TSPAN2: variants seen among roughly 807,000 people sequenced by gnomAD.
The protein encoded by TSPAN2 is tetraspanin-2.
A neutral mutation model predicts 33.3 loss-of-function variants in TSPAN2; 24 were observed. The ratio of observed to expected loss-of-function variants is 0.72; its 90% CI spans 0.52 to 1.01. The LOEUF is 1.01. Among genes scored for constraint, TSPAN2 ranks in the 50% least tolerant of loss-of-function variants. The pLI, the probability that TSPAN2 is intolerant of heterozygous loss-of-function variation, is 0.00. For synonymous variants in TSPAN2, 114 were observed against 104.5 expected (o/e 1.09, Z -0.56); for missense variants, 278 against 281.3 (o/e 0.99, Z 0.08).
intron 7 of TSPAN2, 22 bp from the exon 8 acceptor site, chr1:115,050,577 T>A (rs1329195646): frequency 6.2e-7 from 1 of 1,612,332 alleles, no homozygotes; most frequent in East Asian, 2.2e-5. Flanking sequence ...GAAACACTCA[T>A]CAGTGACTTT....
At chr1:115,073,514 A>G (rs867759396) in intron 1 of TSPAN2, among the ~76,000 whole-genome samples, 1 of 133,694 alleles carries the variant, frequency 7.5e-6, no homozygotes, top group Middle Eastern at 3.6e-3. Context: ...CCTCAACCTC[A>G]GAACCCACCC....
intron 1 of TSPAN2, among the ~76,000 whole-genome samples, chr1:115,079,596 T>C (rs1648547300): frequency 6.6e-6 from 1 of 152,206 alleles, no homozygotes; most frequent in African/African-American, 2.4e-5. Context: ...TCAAGGGTTT[T>C]ATCAGAAAAA....
At position 115,048,052 on chromosome 1, in the gene TSPAN2, T is replaced by C. The variant is rs1255754155; in HGVS notation, c.*2438A>G. ...ATTTAATATGAAATCACTTAAAATA[T>C]TTCAACATTAAGAAGTCTTAATTCA... On this transcript the variant is annotated 3_prime_UTR_variant, in exon 8 of 8. Coordinates refer to ENST00000369516, the MANE Select transcript of TSPAN2 (RefSeq NM_005725.6). The C allele has an allele frequency of 6.6e-6, 1 of 151,914 alleles. No individual in the cohort carries two copies. The highest frequency in any genetic ancestry group is 1.9e-4 in the East Asian group (1 of 5,188). The allele number at this position is 151,914 out of a possible 1,614,324, so 9.4% of individuals were successfully genotyped here. A position where few individuals can be genotyped will look rare whatever the true frequency, so the allele number is the denominator to read the frequency against.
intron 4 of TSPAN2, among the ~76,000 whole-genome samples, chr1:115,059,521 CT>C (rs1335002764): frequency 2.6e-5 from 4 of 152,218 alleles, no homozygotes. Flanking sequence ...AGGATCCGGA[CT>C]TATACATTCC....
chr1:115,068,303 C>T lies in TSPAN2; in HGVS notation c.172+4602G>A, dbSNP rs564829746. ...CACAGGAAGGGAAACTCGCTCCATC[C>T]CCAAGGAAAGAGAACCAAGGATGCC... On this transcript the variant is annotated intron_variant, in intron 2 of 7. Transcript: ENST00000369516. Among the ~76,000 whole-genome samples, 12 of 152,282 alleles carry T rather than the reference C, an allele frequency of 7.9e-5. No individual in the cohort carries two copies. In the East Asian group the frequency reaches 1.5e-3, roughly 20 times the overall value.
rs1410086417 is a variant in TSPAN2, at chr1:115,048,264, T to C, written c.*2226A>G. On this transcript the variant is annotated 3_prime_UTR_variant, in exon 8 of 8. Coordinates refer to ENST00000369516, the MANE Select transcript of TSPAN2 (RefSeq NM_005725.6). ...AAGATATTTGTAGATTCAAGATATA[T>C]AGGGATTATATATCTATATATATTA... 6.8e-6 allele frequency: 1 copy of C among 147,532 alleles called. No homozygotes were observed. The highest frequency in any genetic ancestry group is 2.5e-5 in the African/African-American group (1 of 40,382). The allele number at this position is 147,532 out of a possible 1,614,324, so 9.1% of individuals were successfully genotyped here. A position where few individuals can be genotyped will look rare whatever the true frequency, so the allele number is the denominator to read the frequency against.
intron 1 of TSPAN2, among the ~76,000 whole-genome samples, chr1:115,078,069 C>T (rs1648488070): frequency 6.6e-6 from 1 of 152,230 alleles, no homozygotes; most frequent in Non-Finnish European, 1.5e-5. Context: ...TCCTGGCCCT[C>T]AGATGCTCCA....
At position 115,056,546 on chromosome 1, in the gene TSPAN2, C is replaced by T. The variant is rs74593034; in HGVS notation, c.516+991G>A. ...TCTCGGCACGCAGGCCTCCCCCTCC[C>T]GCTTTCTGCCCAATGCTTGCATAAT... On this transcript the variant is annotated intron_variant, in intron 6 of 7. Transcript: ENST00000369516. Among the ~76,000 whole-genome samples, 1,440 of 152,306 alleles carry T rather than the reference C, an allele frequency of 9.5e-3. 35 individuals carry two copies. Among genetic ancestry groups the T allele is most frequent in the African/African-American group, 0.033 (1,375 of 41,546 alleles).
At chr1:115,071,899 C>T (rs959420645) in intron 2 of TSPAN2, among the ~76,000 whole-genome samples, 2 of 152,154 alleles carry the variant, frequency 1.3e-5, no homozygotes, top group East Asian at 1.9e-4. Flanking sequence ...CCTGCGCTCT[C>T]TCTCTCATGG....
intron 1 of TSPAN2, 80 bp downstream of exon 1, chr1:115,089,284 G>A: frequency 7.6e-7 from 1 of 1,322,110 alleles, no homozygotes; most frequent in East Asian, 2.8e-5. Flanking sequence ...GGACGCCGCA[G>A]TCAGCAGCTC....
At chr1:115,057,761 A>G (rs768104543) in intron 5 of TSPAN2, among the ~76,000 whole-genome samples, 153 bp from the exon 6 acceptor site, 1 of 152,272 alleles carries the variant, frequency 6.6e-6, no homozygotes. Flanking sequence ...AGGAGAGTGA[A>G]GAATCACATA....
chr1:115,086,874 G>T (rs1287389101), intron 1 of TSPAN2, among the ~76,000 whole-genome samples: 1 of 152,196 alleles, frequency 6.6e-6, no homozygotes, highest in African/African-American at 2.4e-5. Context: ...TACCCCCAGA[G>T]TTTCTGATTC....
At chr1:115,073,633 T>C (rs1308851524) in intron 1 of TSPAN2, among the ~76,000 whole-genome samples, 2 of 151,758 alleles carry the variant, frequency 1.3e-5, no homozygotes, top group African/African-American at 4.8e-5. Flanking sequence ...GTTTTGCTGG[T>C]AGGGAGATAG....
chr1:115,057,398 C>T, intron 6 of TSPAN2, 139 bp downstream of exon 6: 1 of 811,740 alleles, frequency 1.2e-6, no homozygotes, highest in South Asian at 1.5e-5. Context: ...CAACGCTATT[C>T]ATTTTCCATC....
intron 3 of TSPAN2, among the ~76,000 whole-genome samples, chr1:115,061,614 A>T (rs1647723205): frequency 6.6e-6 from 1 of 152,168 alleles, no homozygotes. Flanking sequence ...TCTTTACACC[A>T]ATGACGTCAT....
rs994542282 is a variant in TSPAN2, at chr1:115,050,185, G to A, written c.*305C>T. On this transcript the variant is annotated 3_prime_UTR_variant, in exon 8 of 8. Transcript: ENST00000369516. ...TCTTTGATCTTTTTTTTCTGGGAGCGAAATAGGTTGTTCTTCTTATATAAC... is the reference window on the plus strand; with the variant it reads ...TCTTTGATCTTTTTTTTCTGGGAGCAAAATAGGTTGTTCTTCTTATATAAC... The A allele has an allele frequency of 3.3e-6, 1 of 304,076 alleles. No individual in the cohort carries two copies. Among genetic ancestry groups the A allele is most frequent in the South Asian group, 4.3e-5 (1 of 23,326 alleles). The allele number at this position is 304,076 out of a possible 1,614,324, so 18.8% of individuals were successfully genotyped here.
At chr1:115,053,741 TTGTC>T (rs1647280707) in intron 6 of TSPAN2, among the ~76,000 whole-genome samples, 1 of 152,222 alleles carries the variant, frequency 6.6e-6, no homozygotes, top group South Asian at 2.1e-4. Context: ...AGGAAGCTAT[TTGTC>T]TGGTTCCAAG....
Position 115,089,345 on chromosome 1 carries a change from T to C in TSPAN2, c.69+19A>G. On this transcript the variant is annotated intron_variant, in intron 1 of 7. Transcript: ENST00000369516. ...CCCGGCCCCCTGCCCTGACCGGCCCTCCCGGCTCCTGGTCTCACCCAGAAG... is the reference window on the plus strand; with the variant it reads ...CCCGGCCCCCTGCCCTGACCGGCCCCCCCGGCTCCTGGTCTCACCCAGAAG... 1 of 1,451,844 alleles carries C rather than the reference T, an allele frequency of 6.9e-7. No homozygotes were observed. Among genetic ancestry groups the C allele is most frequent in the Non-Finnish European group, 9.5e-7 (1 of 1,054,906 alleles). 89.9% of individuals were successfully genotyped at this position (1,451,844 alleles called of 1,614,324 possible).
chr1:115,055,558 C>G (rs1647378994), intron 6 of TSPAN2, among the ~76,000 whole-genome samples: 1 of 151,744 alleles, frequency 6.6e-6, no homozygotes, highest in Non-Finnish European at 1.5e-5. Flanking sequence ...GAGTCTCGCT[C>G]TCTCACCCAG....
Sources: gnomAD v4.1 joint callset for allele counts (sites outside exome capture counted in the v4.1 genomes callset) on GRCh38, gnomAD v4.1.1 for gene constraint, MANE v1.5 for transcripts, NCBI Gene and HGNC (gene_info 2026-07-23, HGNC 2026-07-21) for gene names.